Variants in CR1 observed in about 807,000 individuals in gnomAD.
CR1 encodes the protein complement receptor type 1.
In CR1, 116 loss-of-function variants were observed where a neutral mutation model predicts 187.3. The observed-to-expected ratio is 0.62, with a 90% CI of 0.53 to 0.72. CR1 has a LOEUF of 0.72. Ranked by LOEUF, CR1 falls within the 30% of genes least tolerant of loss-of-function variation. The pLI is 0.00. For synonymous variants in CR1, 576 were observed against 747.1 expected (o/e 0.77, Z 3.73); for missense variants, 1,731 against 2,110.7 (o/e 0.82, Z 3.52).
chr1:207,587,689 A>C, intron 34 of CR1, 124 bp downstream of exon 34: 1 of 868,268 alleles, frequency 1.2e-6, no homozygotes. Context: ...GCTTGAACTC[A>C]GGAGTTCGCA....
chr1:207,576,131 G>A (rs1660737241), intron 28 of CR1, among the ~76,000 whole-genome samples: 1 of 152,184 alleles, frequency 6.6e-6, no homozygotes, highest in Non-Finnish European at 1.5e-5. Context: ...GAGTTGTTTG[G>A]AAGATGAGCT....
chr1:207,496,922 C>T (rs1375030769), intron 1 of CR1, among the ~76,000 whole-genome samples: 1 of 152,150 alleles, frequency 6.6e-6, no homozygotes, highest in Non-Finnish European at 1.5e-5. Flanking sequence ...CTATGTGTCC[C>T]CGAGTCCATT....
At position 207,523,807 on chromosome 1, in the gene CR1, C is replaced by A; in HGVS notation, c.684C>A (p.Pro228=). Residue 228 remains proline, a synonymous_variant, in exon 5 of 47, where the codon CCC becomes CCA. Transcript: ENST00000367049. ...NDDQVGIWSG[P]APQCIIPNKC... ...ATCAAGTGGGCATCTGGAGCGGCCCCGCCCCTCAGTGCATTATACCTAACA... is the reference window on the plus strand; with the variant it reads ...ATCAAGTGGGCATCTGGAGCGGCCCAGCCCCTCAGTGCATTATACCTAACA... 1 of 1,611,348 alleles carries A rather than the reference C, an allele frequency of 6.2e-7. No individual in the cohort carries two copies. The highest frequency in any genetic ancestry group is 8.5e-7 in the Non-Finnish European group (1 of 1,179,706).
Position 207,593,100 on chromosome 1 carries a change from A to AAAAAC in CR1, c.5810+4329_5810+4330insACAAA, listed in dbSNP as rs1661325449. On this transcript the variant is annotated intron_variant, in intron 35 of 46. Transcript: ENST00000367049. ...ACAGAATTACAAAAAAAAAAAAAAA[A>AAAAAC]AAACTACTTTAAACTTCATATGGAA... is the stretch of plus-strand genomic sequence containing the variant. 2.6e-5 allele frequency among the ~76,000 whole-genome samples: 4 copies of AAAAAC among 151,948 alleles called. No individual in the cohort carries two copies. In the South Asian group the frequency reaches 8.3e-4, roughly 32 times the overall value.
intron 3 of CR1, 165 bp downstream of exon 3, chr1:207,506,978 A>G: frequency 1.7e-6 from 1 of 588,442 alleles, no homozygotes; most frequent in Non-Finnish European, 3.0e-6. Context: ...CAAAGGTATG[A>G]CAAGATCGGG....
At position 207,575,596 on chromosome 1, in the gene CR1, C is replaced by G. The variant is rs1237612769; in HGVS notation, c.4453C>G (p.His1485Asp). ...TGATTTTCCATTTTTTGCCTTTAGGCACCGACTCATTGGTCACTCATCTGC... is the reference window on the plus strand; with the variant it reads ...TGATTTTCCATTTTTTGCCTTTAGGGACCGACTCATTGGTCACTCATCTGC... ...SRINYSCTTGHRLIGHSSAEC... is the reference protein window; with the variant it reads ...SRINYSCTTGDRLIGHSSAEC... Residue 1485 changes from histidine to aspartate, a missense_variant and splice_region_variant, in exon 28 of 47, where the codon CAC becomes GAC. Physicochemically the swap from His to Asp is moderately conservative, Grantham distance 81. Around this residue, in one of 5 missense-constraint regions of CR1, gnomAD observed 1,312 missense variants for 1,379.6 expected, o/e 0.95. Transcript: ENST00000367049. 6.2e-7 allele frequency: 1 copy of G among 1,611,716 alleles called. No individual in the cohort carries two copies. Among genetic ancestry groups the G allele is most frequent in the African/African-American group, 1.3e-5 (1 of 74,856 alleles).
At chr1:207,502,365 C>T (rs540398169) in intron 1 of CR1, among the ~76,000 whole-genome samples, 1 of 152,080 alleles carries the variant, frequency 6.6e-6, no homozygotes, top group Admixed American at 6.5e-5. Context: ...TTCCAAATCC[C>T]TAAGAGGGTC....
intron 29 of CR1, 147 bp downstream of exon 29, chr1:207,578,350 G>C (rs1401747053): frequency 3.3e-6 from 5 of 1,513,384 alleles, no homozygotes; most frequent in Non-Finnish European, 4.5e-6. Context: ...ATTAAGAATT[G>C]GGGGTGTGCA....
chr1:207,580,579 C>T lies in CR1; in HGVS notation c.5182C>T (p.Leu1728Phe). The T allele has an allele frequency of 6.2e-7, 1 of 1,612,968 alleles. No individual in the cohort carries two copies. The highest frequency in any genetic ancestry group is 2.2e-5 in the East Asian group (1 of 44,822). ...GRVLFPLNLQLGAKVSFVCDE... is the reference protein window; with the variant it reads ...GRVLFPLNLQFGAKVSFVCDE... The stretch of plus-strand genomic sequence containing the variant: ...TGTGCTATTTCCACTTAATCTCCAG[C>T]TTGGGGCAAAGGTGTCCTTTGTCTG... Residue 1728 changes from leucine to phenylalanine, a missense_variant, in exon 31 of 47, where the codon CTT (leucine) becomes TTT (phenylalanine). Around this residue, in one of 5 missense-constraint regions of CR1, gnomAD observed 1,312 missense variants for 1,379.6 expected, o/e 0.95. Coordinates refer to ENST00000367049, the MANE Select transcript of CR1 (RefSeq NM_000651.6).
rs560962191 is a variant in CR1 at position 207,583,363 on chromosome 1, G to A, written c.5303-1286G>A. ...GTGGAGTGCTGGCAAACACTGATTGGAATGAATTCTAGGGAGAATGAATGG... is the reference window on the plus strand; with the variant it reads ...GTGGAGTGCTGGCAAACACTGATTGAAATGAATTCTAGGGAGAATGAATGG... On this transcript the variant is annotated intron_variant, in intron 32 of 46. Coordinates refer to ENST00000367049, the MANE Select transcript of CR1 (RefSeq NM_000651.6). Among the ~76,000 whole-genome samples the A allele has an allele frequency of 3.3e-5, 5 of 152,296 alleles. No homozygotes were observed. The South Asian group carries it at 1.0e-3, about 32-fold the overall frequency.
At chr1:207,619,833 C>A (rs371204961) in intron 42 of CR1, 47 bp from the exon 43 acceptor site, 1 of 1,501,004 alleles carries the variant, frequency 6.7e-7, no homozygotes, top group Non-Finnish European at 9.0e-7. Context: ...TTAAAACGGA[C>A]AATCAACAAT....
chr1:207,501,296 T>C (rs1198721586), intron 1 of CR1, among the ~76,000 whole-genome samples: 5 of 152,238 alleles, frequency 3.3e-5, no homozygotes, highest in Non-Finnish European at 7.3e-5. Flanking sequence ...GGATGTATGA[T>C]GGAAACGTTT....
intron 5 of CR1, among the ~76,000 whole-genome samples, chr1:207,525,902 C>T (rs1660153363): frequency 2.0e-5 from 3 of 152,038 alleles, no homozygotes. Flanking sequence ...CCATTTGATG[C>T]TTGAGAAAGC....
chr1:207,590,738 A>G (rs1661244762), intron 35 of CR1, among the ~76,000 whole-genome samples: 1 of 152,222 alleles, frequency 6.6e-6, no homozygotes, highest in Non-Finnish European at 1.5e-5. Flanking sequence ...AAAGACACAC[A>G]TAGGCGCAAA....
intron 27 of CR1, among the ~76,000 whole-genome samples, chr1:207,574,874 C>T (rs1243203166): frequency 6.6e-6 from 1 of 152,058 alleles, no homozygotes; most frequent in African/African-American, 2.4e-5. Context: ...ACTAAAACAG[C>T]TGAATCTATC....
chr1:207,567,031 C>T lies in CR1; in HGVS notation c.3953-793C>T, dbSNP rs1403683129. ...CATGAATGAAAGCTCATTAACTGGACTACTCAAGCTTTCTCTTATTTTTCA... is the reference window on the plus strand; with the variant it reads ...CATGAATGAAAGCTCATTAACTGGATTACTCAAGCTTTCTCTTATTTTTCA... On this transcript the variant is annotated intron_variant, in intron 24 of 46. Coordinates refer to ENST00000367049, the MANE Select transcript of CR1 (RefSeq NM_000651.6). Among the ~76,000 whole-genome samples, 5 of 150,200 alleles carry T rather than the reference C, an allele frequency of 3.3e-5. 1 individual carries two copies. Among genetic ancestry groups the T allele is most frequent in the African/African-American group, 1.3e-4 (5 of 39,660 alleles).
chr1:207,517,979 C>T (rs1659855141), intron 4 of CR1, among the ~76,000 whole-genome samples: 2 of 151,984 alleles, frequency 1.3e-5, no homozygotes, highest in African/African-American at 4.8e-5. Flanking sequence ...TAGTTTATGA[C>T]TATTTTCTCT....
Position 207,496,206 on chromosome 1 carries a change from C to A in CR1, c.-62C>A. On this transcript the variant is annotated 5_prime_UTR_variant, in exon 1 of 47. Transcript: ENST00000367049. ...ATTGGTCACTCCTATTTTCGCTGAG[C>A]TTTTCCTCTTATTTCAGTTTTCTTC... 1 of 1,612,698 alleles carries A rather than the reference C, an allele frequency of 6.2e-7. No homozygotes were observed. The highest frequency in any genetic ancestry group is 8.5e-7 in the Non-Finnish European group (1 of 1,179,514).
At position 207,612,003 on chromosome 1, in the gene CR1, C is replaced by A. The variant is rs777783210; in HGVS notation, c.6537C>A (p.Leu2179=). 16 of 1,614,008 alleles carry A rather than the reference C, an allele frequency of 9.9e-6. No individual in the cohort carries two copies. The highest frequency in any genetic ancestry group is 1.4e-5 in the Non-Finnish European group (16 of 1,179,900). The change falls in exon 39 of 47, where the codon CTC becomes CTA. Residue 2179 remains leucine, a synonymous_variant. Transcript: ENST00000367049. ...PHGRVLLPLN[L]QLGAKVSFVC... is the part of the protein sequence containing the mutation. Reference sequence around the variant, plus strand: ...GCCGTGTGCTACTTCCACTTAATCTCCAGCTTGGGGCAAAGGTGTCCTTTG... The same window carrying A: ...GCCGTGTGCTACTTCCACTTAATCTACAGCTTGGGGCAAAGGTGTCCTTTG...
Sources: allele counts gnomAD v4.1 joint callset (sites outside exome capture counted in the v4.1 genomes callset), GRCh38; gene constraint gnomAD v4.1.1; regional missense constraint gnomAD v4.1.1; transcripts MANE v1.5; gene names NCBI Gene and HGNC (gene_info 2026-07-23, HGNC 2026-07-21).